Variants in TRERF1 observed in about 807,000 individuals in gnomAD.
TRERF1 encodes the protein transcriptional regulating factor 1, also known as transcriptional-regulating factor 1.
TRERF1 carries 27 observed loss-of-function variants against 122.9 expected under a neutral mutation model. The ratio of observed to expected loss-of-function variants is 0.22; its 90% CI spans 0.16 to 0.30. The LOEUF (loss-of-function observed/expected upper bound fraction) is 0.30, where lower values mean the gene tolerates loss of function less well. TRERF1 is among the 10% of genes least tolerant of loss of function. The pLI, the probability that TRERF1 is intolerant of heterozygous loss-of-function variation, is 1.00. For missense variants in TRERF1, 1,248 were observed against 1,560.3 expected, an observed-to-expected ratio of 0.80 and a Z score of 3.37; for synonymous variants, 636 against 641.7, an observed-to-expected ratio of 0.99 and a Z score of 0.13.
intron 4 of TRERF1, among the ~76,000 whole-genome samples, chr6:42,300,224 C>T (rs1020802181): frequency 6.6e-6 from 1 of 152,154 alleles, no homozygotes; most frequent in African/African-American, 2.4e-5. Context: ...CATCTAAGGC[C>T]CCTTATGACT....
intron 2 of TRERF1, among the ~76,000 whole-genome samples, chr6:42,404,955 C>T (rs560376015): frequency 9.9e-5 from 15 of 152,070 alleles, no homozygotes; most frequent in Non-Finnish European, 1.9e-4. Flanking sequence ...CTAATATACC[C>T]ACCCCCAGGC....
At chr6:42,433,393 C>T (rs2151688200) in intron 2 of TRERF1, among the ~76,000 whole-genome samples, 1 of 151,610 alleles carries the variant, frequency 6.6e-6, no homozygotes, top group Non-Finnish European at 1.5e-5. Context: ...CTTCTGTGCA[C>T]AGAGCTAAAA....
In TRERF1 at chr6:42,390,573, T is replaced by C. The variant is rs192392963; in HGVS notation, c.-453-27494A>G. On this transcript the variant is annotated intron_variant, in intron 2 of 17. Coordinates refer to ENST00000372922, the Ensembl canonical transcript of TRERF1. ...TGAAGCCTATGCGTTCGCACTGGTA[T>C]CACTGTAAGGTTTCAGTGGGAGGCC... 2.6e-5 allele frequency among the ~76,000 whole-genome samples: 4 copies of C among 152,364 alleles called. No homozygotes were observed. The East Asian group carries it at 7.7e-4, about 29-fold the overall frequency.
intron 4 of TRERF1, among the ~76,000 whole-genome samples, chr6:42,290,016 G>C (rs972172719): frequency 6.6e-6 from 1 of 152,184 alleles, no homozygotes; most frequent in Non-Finnish European, 1.5e-5. Flanking sequence ...GACCTCAACA[G>C]GAGCTGTCAC....
chr6:42,280,058 C>T (rs1782019063), intron 4 of TRERF1, among the ~76,000 whole-genome samples: 1 of 151,996 alleles, frequency 6.6e-6, no homozygotes, highest in Admixed American at 6.5e-5. Flanking sequence ...TGTGTAGAAG[C>T]CCAGGGTATC....
intron 3 of TRERF1, among the ~76,000 whole-genome samples, chr6:42,322,097 ACCGGGACT>A (rs2150468013): frequency 6.6e-6 from 1 of 152,366 alleles, no homozygotes; most frequent in South Asian, 2.1e-4. Flanking sequence ...ATTTTACTGC[ACCGGGACT>A]CAGGAAGTAC....
intron 4 of TRERF1, among the ~76,000 whole-genome samples, chr6:42,272,231 AC>A (rs1780344417): frequency 6.6e-6 from 1 of 152,164 alleles, no homozygotes; most frequent in Non-Finnish European, 1.5e-5. Flanking sequence ...CTGCAGTCGT[AC>A]CCTTCTACCT....
chr6:42,268,214 G>A lies in TRERF1; in HGVS notation c.1377C>T (p.Ile459=), dbSNP rs769966837. 1.3e-6 allele frequency: 2 copies of A among 1,483,072 alleles called. No individual in the cohort carries two copies. Among genetic ancestry groups the A allele is most frequent in the Non-Finnish European group, 1.8e-6 (2 of 1,116,344 alleles). 91.9% of individuals were successfully genotyped at this position (1,483,072 alleles called of 1,614,324 possible). ...GCTGAGGCCCCATGTTGTTGAGGTGGATCCCACTGGGGGATAGGAGGGGGC... is the reference window on the plus strand; with the variant it reads ...GCTGAGGCCCCATGTTGTTGAGGTGAATCCCACTGGGGGATAGGAGGGGGC... The change falls in exon 5 of 18, where the codon ATC becomes ATT. Residue 459 remains isoleucine (I), a synonymous_variant. Coordinates refer to ENST00000372922, the Ensembl canonical transcript of TRERF1. This position sits in a 1 kb window ranked among gnomAD's most constrained non-coding sequence, Gnocchi z 4.4.
intron 2 of TRERF1, among the ~76,000 whole-genome samples, chr6:42,401,026 C>T (rs1041587010): frequency 2.0e-5 from 3 of 152,184 alleles, no homozygotes; most frequent in Admixed American, 6.5e-5. Context: ...CTGCAGGGGC[C>T]CCTGGCCATC....
At chr6:42,375,905 G>GC (rs1774756991) in intron 2 of TRERF1, among the ~76,000 whole-genome samples, 1 of 152,112 alleles carries the variant, frequency 6.6e-6, no homozygotes, top group African/African-American at 2.4e-5. Flanking sequence ...CTCAAATGGG[G>GC]CCCCCTTGAT....
At chr6:42,399,948 G>A (rs1779154947) in intron 2 of TRERF1, among the ~76,000 whole-genome samples, 2 of 152,112 alleles carry the variant, frequency 1.3e-5, no homozygotes, top group South Asian at 4.1e-4. Context: ...TCTCCAAGAG[G>A]GTCCCACAGG....
intron 13 of TRERF1, 25 bp downstream of exon 13, chr6:42,254,826 G>A (rs1776443047): frequency 1.9e-6 from 3 of 1,611,500 alleles, no homozygotes; most frequent in Non-Finnish European, 2.5e-6. Flanking sequence ...GGAGGCAACA[G>A]GACACAGGGC....
Position 42,381,374 on chromosome 6 carries a change from G to A in TRERF1, c.-453-18295C>T, listed in dbSNP as rs541561462. 1.5e-3 allele frequency among the ~76,000 whole-genome samples: 229 copies of A among 151,400 alleles called. 3 individuals carry two copies. The highest frequency in any genetic ancestry group is 0.014 in the Middle Eastern group (4 of 294). On this transcript the variant is annotated intron_variant, in intron 2 of 17. Transcript: ENST00000372922. Reference sequence around the variant, plus strand: ...TGTTTTAAGGAACCACCCAGGGATTGGACCACCCACCCAGGCATAATAGCC... The same window carrying A: ...TGTTTTAAGGAACCACCCAGGGATTAGACCACCCACCCAGGCATAATAGCC...
At chr6:42,252,086 T>G (rs1775928415) in intron 13 of TRERF1, among the ~76,000 whole-genome samples, 1 of 152,096 alleles carries the variant, frequency 6.6e-6, no homozygotes, top group Non-Finnish European at 1.5e-5. Flanking sequence ...AGGGCTGGAC[T>G]GTGCATCGTG....
chr6:42,236,333 C>G (rs761290529), exon 16 of TRERF1: 12 of 1,594,330 alleles, frequency 7.5e-6, no homozygotes, highest in South Asian at 2.3e-5. Context: ...ACCTCACTCT[C>G]TTCTTCTTTT....
At chr6:42,273,726 C>T (rs899971959) in intron 4 of TRERF1, among the ~76,000 whole-genome samples, 1 of 152,196 alleles carries the variant, frequency 6.6e-6, no homozygotes, top group Non-Finnish European at 1.5e-5. Context: ...CAGTATTATC[C>T]TTTGGGCATT....
At chr6:42,369,634 C>T (rs1188603214) in intron 2 of TRERF1, among the ~76,000 whole-genome samples, 2 of 152,152 alleles carry the variant, frequency 1.3e-5, no homozygotes, top group Non-Finnish European at 2.9e-5. Context: ...AGGGGACTAA[C>T]TAGGGCTGCC....
At chr6:42,249,854 G>A (rs1338900662) in intron 13 of TRERF1, among the ~76,000 whole-genome samples, 1 of 152,166 alleles carries the variant, frequency 6.6e-6, no homozygotes, top group Non-Finnish European at 1.5e-5. Context: ...CAGAGCCTTG[G>A]CCGGGCAACA....
At chr6:42,423,195 A>G (rs972435081) in intron 2 of TRERF1, among the ~76,000 whole-genome samples, 1 of 152,178 alleles carries the variant, frequency 6.6e-6, no homozygotes, top group African/African-American at 2.4e-5. Flanking sequence ...AGAGGAACTC[A>G]TCTTGGTTTC....
Sources: gnomAD v4.1 joint callset for allele counts (sites outside exome capture counted in the v4.1 genomes callset) on GRCh38, gnomAD v4.1.1 for gene constraint, Gnocchi (gnomAD v3.1) non-coding constraint, MANE v1.5 for transcripts, NCBI Gene and HGNC (gene_info 2026-07-23, HGNC 2026-07-21) for gene names.